The following BICC1 variants were observed in gnomAD, a reference collection of about 807,000 sequenced individuals.
The protein encoded by BICC1 is protein bicaudal C homolog 1.
Under a neutral mutation model 111.0 loss-of-function variants are expected in BICC1, and 43 were observed. That is an observed-to-expected ratio of 0.39 (90% CI 0.30 to 0.50). BICC1 has a LOEUF of 0.50. Among genes scored for constraint, BICC1 ranks in the 20% least tolerant of loss-of-function variants. The probability of loss-of-function intolerance (pLI) is 0.88; values close to 1 mark genes in which losing one functional copy is unlikely to be tolerated. For missense variants in BICC1, 1,091 were observed against 1,203.2 expected, an observed-to-expected ratio of 0.91 and a Z score of 1.38; for synonymous variants, 467 against 434.4, an observed-to-expected ratio of 1.07 and a Z score of -0.93.
chr10:58,583,182 T>A (rs1479164609), intron 1 of BICC1, among the ~76,000 whole-genome samples: 1 of 152,190 alleles, frequency 6.6e-6, no homozygotes, highest in Non-Finnish European at 1.5e-5. Context: ...CTAGATATAA[T>A]CTATCATGAA....
At chr10:58,550,817 T>C (rs1447834866) in intron 1 of BICC1, among the ~76,000 whole-genome samples, 1 of 152,184 alleles carries the variant, frequency 6.6e-6, no homozygotes, top group African/African-American at 2.4e-5. Context: ...TTCTGCCAAT[T>C]CTACAGTTTG....
chr10:58,523,005 A>G (rs1402530357), intron 1 of BICC1, among the ~76,000 whole-genome samples: 4 of 152,224 alleles, frequency 2.6e-5, no homozygotes. Flanking sequence ...CTAAACCAGG[A>G]AGAAGTTGAA....
At chr10:58,592,786 A>G (rs1188007166) in intron 1 of BICC1, among the ~76,000 whole-genome samples, 1 of 150,526 alleles carries the variant, frequency 6.6e-6, no homozygotes, top group Admixed American at 6.7e-5. Flanking sequence ...CTGAAGCAGA[A>G]GAATTGCTTG....
At chr10:58,580,600 G>A (rs1180020600) in intron 1 of BICC1, among the ~76,000 whole-genome samples, 1 of 152,102 alleles carries the variant, frequency 6.6e-6, no homozygotes, top group African/African-American at 2.4e-5. Context: ...ATACATTATT[G>A]TTGACTATTG....
At chr10:58,609,249 A>G (rs1393663487) in intron 1 of BICC1, among the ~76,000 whole-genome samples, 5 of 152,212 alleles carry the variant, frequency 3.3e-5, no homozygotes, top group Non-Finnish European at 7.3e-5. Context: ...CCATCCCTAA[A>G]AGTACCAGTC....
chr10:58,614,421 C>T (rs906397898), intron 1 of BICC1, among the ~76,000 whole-genome samples: 3 of 152,206 alleles, frequency 2.0e-5, no homozygotes, highest in African/African-American at 7.2e-5. Flanking sequence ...GAGGTAAAAT[C>T]AGGCTCAGAT....
intron 5 of BICC1, among the ~76,000 whole-genome samples, chr10:58,787,461 C>G (rs1843044725): frequency 6.6e-6 from 1 of 152,186 alleles, no homozygotes; most frequent in South Asian, 2.1e-4. Context: ...CACCAGATCA[C>G]CTTCTGAGGA....
intron 3 of BICC1, among the ~76,000 whole-genome samples, chr10:58,704,058 T>G (rs2132457898): frequency 6.6e-6 from 1 of 152,348 alleles, no homozygotes; most frequent in Middle Eastern, 3.4e-3. Context: ...ATTCATTGGT[T>G]TCTTGTCATT....
At chr10:58,602,235 T>TAGAATTTGACTCCTTAACCAAAGTTACAA (rs1298794500) in intron 1 of BICC1, among the ~76,000 whole-genome samples, 2 of 152,182 alleles carry the variant, frequency 1.3e-5, no homozygotes, top group East Asian at 3.8e-4. Flanking sequence ...TTAATTGAGA[T>TAGAATTTGACTCCTTAACCAAAGTTACAA]AGAATTTGAC....
At chr10:58,602,610 C>A (rs1845077189) in intron 1 of BICC1, among the ~76,000 whole-genome samples, 1 of 152,078 alleles carries the variant, frequency 6.6e-6, no homozygotes, top group African/African-American at 2.4e-5. Flanking sequence ...AAGCATCTAT[C>A]TTTTTTCAAA....
intron 3 of BICC1, among the ~76,000 whole-genome samples, chr10:58,779,188 CT>C (rs1842822061): frequency 6.6e-6 from 1 of 152,188 alleles, no homozygotes; most frequent in African/African-American, 2.4e-5. Context: ...GTAGAATTCA[CT>C]TTTGCTGATT....
chr10:58,538,092 A>C (rs1172401283), intron 1 of BICC1, among the ~76,000 whole-genome samples: 2 of 151,770 alleles, frequency 1.3e-5, no homozygotes, highest in South Asian at 4.1e-4. Context: ...AATAACCAAC[A>C]TCGTTTTTTC....
At chr10:58,733,923 T>G (rs1841393561) in intron 3 of BICC1, among the ~76,000 whole-genome samples, 1 of 152,238 alleles carries the variant, frequency 6.6e-6, no homozygotes, top group African/African-American at 2.4e-5. Flanking sequence ...ATGGGCAAGT[T>G]ATTGTACCTC....
At position 58,801,754 on chromosome 10, in the gene BICC1, C is replaced by G. The variant is rs144588957; in HGVS notation, c.2015+708C>G. Among the ~76,000 whole-genome samples the G allele has an allele frequency of 5.8e-3, 884 of 152,208 alleles. 11 individuals carry two copies. Among genetic ancestry groups the G allele is most frequent in the African/African-American group, 0.02 (843 of 41,530 alleles). ...ATTAGCGTACATGGTTTTATTTCCTCCCATTCTTATTAAAATCCATTTTCC... is the reference window on the plus strand; with the variant it reads ...ATTAGCGTACATGGTTTTATTTCCTGCCATTCTTATTAAAATCCATTTTCC... On this transcript the variant is annotated intron_variant, in intron 14 of 20. Coordinates refer to ENST00000373886, the MANE Select transcript of BICC1 (RefSeq NM_001080512.3).
intron 2 of BICC1, among the ~76,000 whole-genome samples, chr10:58,666,871 C>T (rs898339876): frequency 6.6e-6 from 1 of 151,976 alleles, no homozygotes; most frequent in Non-Finnish European, 1.5e-5. Flanking sequence ...CTTGTTTTTT[C>T]CTTGAGTTCC....
intron 1 of BICC1, among the ~76,000 whole-genome samples, chr10:58,586,537 G>C (rs11595333): frequency 4.6e-5 from 7 of 150,772 alleles, no homozygotes; most frequent in African/African-American, 1.2e-4. Flanking sequence ...GGTTGGGGGC[G>C]GGGGGGCGCG....
chr10:58,588,385 G>A (rs1035503438), intron 1 of BICC1, among the ~76,000 whole-genome samples: 2 of 152,180 alleles, frequency 1.3e-5, no homozygotes, highest in African/African-American at 4.8e-5. Flanking sequence ...TTGTTAAACC[G>A]AGTATTTGGG....
In BICC1 at chr10:58,830,177, G is replaced by T. The variant is rs1470221579; in HGVS notation, c.*1286G>T. ...AAAAAAAAATATATCTTTTTAAGTG[G>T]CTAGAGTCATTATTACAATCTTATA... On this transcript the variant is annotated 3_prime_UTR_variant, in exon 21 of 21. Coordinates refer to ENST00000373886, the MANE Select transcript of BICC1 (RefSeq NM_001080512.3). 3 of 151,498 alleles carry T rather than the reference G, an allele frequency of 2.0e-5. No homozygotes were observed. The highest frequency in any genetic ancestry group is 6.6e-5 in the Admixed American group (1 of 15,234). 9.4% of individuals were successfully genotyped at this position (151,498 alleles called of 1,614,324 possible). A position where few individuals can be genotyped will look rare whatever the true frequency, so the allele number is the denominator to read the frequency against.
intron 1 of BICC1, among the ~76,000 whole-genome samples, chr10:58,613,838 G>T (rs1305831686): frequency 6.6e-6 from 1 of 152,044 alleles, no homozygotes; most frequent in Non-Finnish European, 1.5e-5. Context: ...TACAGGTTGG[G>T]GTTGTAATTT....
Sources: gnomAD v4.1 joint callset for allele counts (sites outside exome capture counted in the v4.1 genomes callset) on GRCh38, gnomAD v4.1.1 for gene constraint, MANE v1.5 for transcripts, NCBI Gene and HGNC (gene_info 2026-07-23, HGNC 2026-07-21) for gene names.